Variants in ANKS3 observed in about 807,000 individuals in gnomAD.
The protein encoded by ANKS3 is ankyrin repeat and sterile alpha motif domain containing 3, also known as ankyrin repeat and SAM domain-containing protein 3.
ANKS3 carries 62 observed loss-of-function variants against 80.7 expected under a neutral mutation model. The ratio of observed to expected loss-of-function variants is 0.77; its 90% CI spans 0.63 to 0.95. The LOEUF (loss-of-function observed/expected upper bound fraction) is 0.95, where lower values mean the gene tolerates loss of function less well. Ranked by LOEUF, ANKS3 falls within the 40% of genes least tolerant of loss-of-function variation. The probability of loss-of-function intolerance (pLI) is 0.00; values close to 1 mark genes in which losing one functional copy is unlikely to be tolerated. For missense variants in ANKS3, 1,150 were observed against 883.6 expected (o/e 1.30, Z -3.82); for synonymous variants, 489 against 355.3 (o/e 1.38, Z -4.23).
At chr16:4,723,460 T>C (rs1254758606) in intron 6 of ANKS3, among the ~76,000 whole-genome samples, 4 of 152,212 alleles carry the variant, frequency 2.6e-5, no homozygotes, top group Non-Finnish European at 5.9e-5. Flanking sequence ...ATCCACTCTG[T>C]GACCCAGAAT....
At chr16:4,722,575 CAAAAAAA>C (rs1228159968) in intron 6 of ANKS3, among the ~76,000 whole-genome samples, 4 of 51,410 alleles carry the variant, frequency 7.8e-5, no homozygotes, top group Non-Finnish European at 1.6e-4. Flanking sequence ...GACTCAGTCT[CAAAAAAA>C]AAAAAAAAAA....
At chr16:4,702,757 T>G (rs2079986943) in intron 8 of ANKS3, among the ~76,000 whole-genome samples, 1 of 151,922 alleles carries the variant, frequency 6.6e-6, no homozygotes, top group African/African-American at 2.4e-5. Context: ...AATATGAAAT[T>G]ACCTAACTCT....
intron 3 of ANKS3, among the ~76,000 whole-genome samples, chr16:4,728,648 G>A (rs1161128993): frequency 6.6e-6 from 1 of 151,454 alleles, no homozygotes; most frequent in African/African-American, 2.4e-5. Context: ...CCCATCCTGT[G>A]CTTACTATCA....
intron 7 of ANKS3, among the ~76,000 whole-genome samples, 158 bp from the exon 8 acceptor site, chr16:4,705,411 C>T (rs1017892212): frequency 3.9e-5 from 6 of 152,270 alleles, no homozygotes; most frequent in South Asian, 2.1e-4. Context: ...CCTAACAGGC[C>T]GGGGCGCTGC....
Position 4,697,428 on chromosome 16 carries a change from G to A in ANKS3, c.1811-12C>T, listed in dbSNP as rs751459677. ...CCAGCCCTTGGAGTCTGTGGTGCAG[G>A]TGCAGGGACCGAGTTAGCTGGGGGT... On this transcript the variant is annotated splice_polypyrimidine_tract_variant and intron_variant, in intron 15 of 17. Coordinates refer to ENST00000304283, the MANE Select transcript of ANKS3 (RefSeq NM_133450.4). The A allele has an allele frequency of 1.3e-6, 2 of 1,586,776 alleles. No homozygotes were observed. The highest frequency in any genetic ancestry group is 1.7e-6 in the Non-Finnish European group (2 of 1,167,894).
At chr16:4,729,809 T>A (rs773901846) in intron 3 of ANKS3, 171 bp downstream of exon 3, 2 of 621,236 alleles carry the variant, frequency 3.2e-6, no homozygotes, top group Non-Finnish European at 4.9e-6. Flanking sequence ...AAAAACGGCC[T>A]CTTTGTCAGG....
chr16:4,699,490 C>A, intron 11 of ANKS3: 1 of 362,234 alleles, frequency 2.8e-6, no homozygotes. Flanking sequence ...GCTTTGTAGG[C>A]GGAGAGCGCT....
chr16:4,700,840 G>A (rs144388313), intron 11 of ANKS3, 130 bp downstream of exon 11: 27,729 of 1,227,694 alleles, frequency 0.023, 411 homozygotes, highest in South Asian at 0.03. Flanking sequence ...GAGCCTAACA[G>A]GCCATGGGGA....
intron 15 of ANKS3, 105 bp from the exon 16 acceptor site, chr16:4,697,521 C>T: frequency 2.1e-6 from 2 of 933,182 alleles, no homozygotes; most frequent in Non-Finnish European, 3.1e-6. Flanking sequence ...GGATCAGAAC[C>T]TCCCTACCCG....
chr16:4,707,419 T>A (rs1044907595), intron 7 of ANKS3, among the ~76,000 whole-genome samples: 1 of 151,824 alleles, frequency 6.6e-6, no homozygotes, highest in African/African-American at 2.4e-5. Context: ...GTAGCTGGGA[T>A]TGTAAGTATG....
In ANKS3 at chr16:4,727,129, C is replaced by T; in HGVS notation, c.219G>A (p.Leu73=). ...CGTGGCCAATGTAGGAGGCATACAT[C>T]AGCGGGGTCCAGCCACCACCATTCT... is the stretch of plus-strand genomic sequence containing the variant. ...NKKNGGGWTP[L]MYASYIGHDT... Residue 73 remains leucine, a synonymous_variant, in exon 4 of 18, where the codon CTG becomes CTA. Transcript: ENST00000304283. 1.2e-6 allele frequency: 2 copies of T among 1,614,202 alleles called. No homozygotes were observed. The highest frequency in any genetic ancestry group is 1.7e-6 in the Non-Finnish European group (2 of 1,180,044).
intron 6 of ANKS3, 113 bp from the exon 7 acceptor site, chr16:4,714,299 G>C: frequency 2.8e-6 from 4 of 1,447,084 alleles, no homozygotes; most frequent in Non-Finnish European, 3.8e-6. Flanking sequence ...CTGCCTCCCT[G>C]TGTGGGAAAC....
At chr16:4,726,922 G>A (rs1285545175) in intron 4 of ANKS3, 57 bp downstream of exon 4, 3 of 1,610,196 alleles carry the variant, frequency 1.9e-6, no homozygotes, top group African/African-American at 2.7e-5. Context: ...TCGCATCTCT[G>A]TCAGGGTGGC....
chr16:4,733,138 A>G (rs2081742899), intron 1 of ANKS3, among the ~76,000 whole-genome samples: 2 of 150,320 alleles, frequency 1.3e-5, no homozygotes, highest in Admixed American at 6.6e-5. Context: ...AACAGAATGA[A>G]TAAGATCTAG....
At position 4,712,637 on chromosome 16, in the gene ANKS3, G is replaced by A. The variant is rs117798781; in HGVS notation, c.709+1414C>T. Among the ~76,000 whole-genome samples the A allele has an allele frequency of 1.7e-3, 261 of 152,164 alleles. 1 individual carries two copies. Among genetic ancestry groups the A allele is most frequent in the Non-Finnish European group, 3.4e-3 (230 of 68,010 alleles). On this transcript the variant is annotated intron_variant, in intron 7 of 17. Transcript: ENST00000304283. Reference sequence around the variant, plus strand: ...AGTTACTCCTGTAAAACACCACTCAGGAATAGAAGAACTGAGGAATACTTT... The same window carrying A: ...AGTTACTCCTGTAAAACACCACTCAAGAATAGAAGAACTGAGGAATACTTT...
intron 4 of ANKS3, 67 bp from the exon 5 acceptor site, chr16:4,726,847 C>T (rs1039430931): frequency 4.0e-5 from 64 of 1,597,100 alleles, no homozygotes; most frequent in Admixed American, 2.7e-4. Context: ...GCCCTCCAGG[C>T]GGCCATGCTG....
intron 2 of ANKS3, among the ~76,000 whole-genome samples, chr16:4,730,566 T>C (rs1357312152): frequency 1.3e-5 from 2 of 152,096 alleles, no homozygotes; most frequent in Non-Finnish European, 2.9e-5. Context: ...GATTTGGGGT[T>C]TGATCAAAAT....
At chr16:4,707,567 C>A (rs1567345834) in intron 7 of ANKS3, among the ~76,000 whole-genome samples, 1 of 152,038 alleles carries the variant, frequency 6.6e-6, no homozygotes, top group Non-Finnish European at 1.5e-5. Context: ...CAGGTATGGG[C>A]CATGCCCAGC....
chr16:4,714,722 G>A (rs928194613), intron 6 of ANKS3, among the ~76,000 whole-genome samples: 13 of 151,974 alleles, frequency 8.6e-5, no homozygotes, highest in African/African-American at 2.9e-4. Flanking sequence ...GGCCGGGTGC[G>A]GTGGCTCATG....
Sources: gnomAD v4.1 joint callset for allele counts (sites outside exome capture counted in the v4.1 genomes callset) on GRCh38, gnomAD v4.1.1 for gene constraint, MANE v1.5 for transcripts, NCBI Gene and HGNC (gene_info 2026-07-23, HGNC 2026-07-21) for gene names.